Variants in MSR1 observed in about 807,000 individuals in gnomAD.
The protein encoded by MSR1 is macrophage scavenger receptor 1, also known as macrophage scavenger receptor types I and II.
A neutral mutation model predicts 47.2 loss-of-function variants in MSR1; 53 were observed. That is an observed-to-expected ratio of 1.12 (90% CI 0.90 to 1.41). The LOEUF is 1.41. MSR1 is among the 40% of genes most tolerant of loss of function. MSR1 has a pLI of 0.00. For missense variants in MSR1, 786 were observed against 546.9 expected (o/e 1.44, Z -4.36); for synonymous variants, 239 against 185.6 (o/e 1.29, Z -2.34).
intron 8 of MSR1, among the ~76,000 whole-genome samples, chr8:16,121,682 TG>T (rs1420066001): frequency 6.6e-6 from 1 of 151,662 alleles, no homozygotes; most frequent in Non-Finnish European, 1.5e-5. Context: ...AACTAATAAA[TG>T]TAATTCTACG....
chr8:16,186,479 G>T (rs1802003584), intron 1 of MSR1, among the ~76,000 whole-genome samples: 1 of 152,030 alleles, frequency 6.6e-6, no homozygotes. Context: ...TGCAAACCTA[G>T]AGGTCTTCTT....
At chr8:16,141,248 T>C (rs943956686) in intron 8 of MSR1, 2 of 623,178 alleles carry the variant, frequency 3.2e-6, no homozygotes, top group African/African-American at 1.8e-5. Flanking sequence ...CATCAAATGG[T>C]AAAATGTATG....
At chr8:16,138,149 T>C (rs1800437272) in intron 8 of MSR1, among the ~76,000 whole-genome samples, 1 of 152,180 alleles carries the variant, frequency 6.6e-6, no homozygotes, top group Non-Finnish European at 1.5e-5. Context: ...TATCGTTGTT[T>C]GAGTTTTAGA....
At chr8:16,191,529 T>A (rs76813718) in intron 1 of MSR1, among the ~76,000 whole-genome samples, 8,748 of 152,182 alleles carry the variant, frequency 0.057, 579 homozygotes, top group East Asian at 0.31. Context: ...ACTTTTTTTT[T>A]AAATATGAGC....
intron 7 of MSR1, among the ~76,000 whole-genome samples, chr8:16,148,295 C>G (rs573406933): frequency 6.6e-6 from 1 of 152,176 alleles, no homozygotes; most frequent in Non-Finnish European, 1.5e-5. Context: ...CTCCAGCACA[C>G]AGTGACCCCT....
At chr8:16,140,508 C>T in intron 8 of MSR1, 1 of 992,502 alleles carries the variant, frequency 1.0e-6, no homozygotes, top group Non-Finnish European at 1.2e-6. Context: ...AGAAATACTA[C>T]CAAACCACAT....
chr8:16,140,531 G>C (rs766974369), intron 8 of MSR1: 2 of 998,128 alleles, frequency 2.0e-6, no homozygotes, highest in Non-Finnish European at 2.4e-6. Flanking sequence ...TGGTAATTGA[G>C]ATATTTAGGA....
At chr8:16,171,228 C>CAAAAAAA (rs34662759) in intron 3 of MSR1, among the ~76,000 whole-genome samples, 2 of 75,432 alleles carry the variant, frequency 2.7e-5, no homozygotes, top group Non-Finnish European at 2.7e-5. Flanking sequence ...GACTCAGTCT[C>CAAAAAAA]AAAAAAAAAA....
At chr8:16,117,174 A>T (rs1425224213) in intron 9 of MSR1, among the ~76,000 whole-genome samples, 3 of 152,112 alleles carry the variant, frequency 2.0e-5, no homozygotes, top group Non-Finnish European at 4.4e-5. Flanking sequence ...GCCGCTCCCT[A>T]TCACTCACAT....
In MSR1 at chr8:16,176,332, C is replaced by A. The variant is rs757351183; in HGVS notation, c.104-1032G>T. ...GACCAGCCTGGGCAACATGGAGAAA[C>A]CCTGGCTCTACAAAAACTACAAAAA... On this transcript the variant is annotated intron_variant, in intron 2 of 9. Transcript: ENST00000262101. 3.3e-5 allele frequency among the ~76,000 whole-genome samples: 5 copies of A among 151,874 alleles called. No homozygotes were observed. In the East Asian group the frequency reaches 9.7e-4, roughly 30 times the overall value.
chr8:16,113,138 C>T (rs918768966), intron 9 of MSR1, among the ~76,000 whole-genome samples: 4 of 151,394 alleles, frequency 2.6e-5, no homozygotes, highest in Non-Finnish European at 4.4e-5. Context: ...TTAGTAGAGA[C>T]GGGGTTTCAC....
At chr8:16,120,059 A>G (rs1057079479) in intron 9 of MSR1, among the ~76,000 whole-genome samples, 2 of 151,836 alleles carry the variant, frequency 1.3e-5, no homozygotes, top group African/African-American at 2.4e-5. Context: ...TCTTTAGAGA[A>G]TGCCTACATT....
intron 5 of MSR1, among the ~76,000 whole-genome samples, chr8:16,163,738 A>G (rs1312973627): frequency 6.6e-6 from 1 of 151,798 alleles, no homozygotes; most frequent in Admixed American, 6.6e-5. Flanking sequence ...AGCAATATTA[A>G]CAAGCTTGGT....
Position 16,130,549 on chromosome 8 carries a change from G to A in MSR1, c.1034-9943C>T, listed in dbSNP as rs1012407977. Among the ~76,000 whole-genome samples, 7 of 152,028 alleles carry A rather than the reference G, an allele frequency of 4.6e-5. No individual in the cohort carries two copies. The East Asian group carries it at 9.7e-4, about 21-fold the overall frequency. Reference sequence around the variant, plus strand: ...TGGTTATATAGGTAAATTGCGTGTCGTGGCAATTTGGTGGACACAGATTAT... The same window carrying A: ...TGGTTATATAGGTAAATTGCGTGTCATGGCAATTTGGTGGACACAGATTAT... On this transcript the variant is annotated intron_variant, in intron 8 of 9. Coordinates refer to ENST00000262101, the MANE Select transcript of MSR1 (RefSeq NM_138715.3).
chr8:16,137,042 T>TA (rs34175267), intron 8 of MSR1, among the ~76,000 whole-genome samples: 93,768 of 150,032 alleles, frequency 0.62, 35,121 homozygotes, highest in Non-Finnish European at 0.83. Context: ...ATTATGGAGT[T>TA]AAAAAAAAAG....
intron 9 of MSR1, among the ~76,000 whole-genome samples, chr8:16,111,103 T>A (rs1799747175): frequency 6.6e-6 from 1 of 152,166 alleles, no homozygotes; most frequent in African/African-American, 2.4e-5. Flanking sequence ...ATTGTATGTG[T>A]GAGCATGTTT....
chr8:16,126,983 C>T (rs1381999120), intron 8 of MSR1, among the ~76,000 whole-genome samples: 1 of 152,112 alleles, frequency 6.6e-6, no homozygotes, highest in African/African-American at 2.4e-5. Context: ...GTGTCTGGTA[C>T]AGAGGGTTCA....
chr8:16,189,375 A>C (rs1267002012), intron 1 of MSR1, among the ~76,000 whole-genome samples: 2 of 94,916 alleles, frequency 2.1e-5, no homozygotes, highest in Non-Finnish European at 3.6e-5. Flanking sequence ...TATATATTTT[A>C]TATATATAAA....
intron 4 of MSR1, among the ~76,000 whole-genome samples, chr8:16,167,108 A>T (rs1168444582): frequency 6.6e-6 from 1 of 152,174 alleles, no homozygotes; most frequent in Non-Finnish European, 1.5e-5. Context: ...ATTTAAGTGT[A>T]ATCTATCGAA....
Sources: allele counts gnomAD v4.1 joint callset (sites outside exome capture counted in the v4.1 genomes callset), GRCh38; gene constraint gnomAD v4.1.1; transcripts MANE v1.5; gene names NCBI Gene and HGNC (gene_info 2026-07-23, HGNC 2026-07-21).